Variants in COL12A1 observed in about 807,000 individuals in gnomAD.
The protein encoded by COL12A1 is collagen alpha-1(XII) chain.
In COL12A1, 114 loss-of-function variants were observed where a neutral mutation model predicts 349.7. The ratio of observed to expected loss-of-function variants is 0.33; its 90% CI spans 0.28 to 0.38. The LOEUF is 0.38. Among genes scored for constraint, COL12A1 ranks in the 10% least tolerant of loss-of-function variants. The pLI, the probability that COL12A1 is intolerant of heterozygous loss-of-function variation, is 1.00. For synonymous variants in COL12A1, 1,369 were observed against 1,329.0 expected (o/e 1.03, Z -0.66); for missense variants, 3,284 against 3,756.9 (o/e 0.87, Z 3.29).
rs201158030 is a variant in COL12A1, at chr6:75,113,625, G to C, written c.7817C>G (p.Pro2606Arg). 3 of 1,609,244 alleles carry C rather than the reference G, an allele frequency of 1.9e-6. No individual in the cohort carries two copies. The highest frequency in any genetic ancestry group is 2.5e-6 in the Non-Finnish European group (3 of 1,176,962). The change falls in exon 50 of 66, where the codon CCA becomes CGA. Residue 2606 changes from proline (P) to arginine (R), a missense_variant. Physicochemically the swap from Pro to Arg is moderately radical, Grantham distance 103 (BLOSUM62 -2). Transcript: ENST00000322507. ...ACGATCTGCAATCACTCCAACTTGT[G>C]GTTTGTAGTCTCTGTCTGTGATTTG... The part of the protein sequence containing the change: ...IWQITDRDYK[P>R]QVGVIADPSS...
In COL12A1 at chr6:75,087,684, G is replaced by T. The variant is rs1269857085; in HGVS notation, c.9074C>A (p.Pro3025His). ...GSTGSRGPPG[P>H]PGRPGNSGIR... is the part of the protein sequence containing the mutation. ...ACCTGAGTTTCCAGGACGGCCAGGG[G>T]GGCCAGGGGGACCTCTTGAACCTGT... Residue 3025 changes from proline (P) to histidine (H), a missense_variant, in exon 65 of 66, where the codon CCC (proline) becomes CAC (histidine). Physicochemically the swap from Pro to His is moderately conservative, Grantham distance 77. This residue lies in a region of COL12A1 where 683 missense variants were observed against 932.1 expected (regional missense o/e 0.73). Coordinates refer to ENST00000322507, the MANE Select transcript of COL12A1 (RefSeq NM_004370.6). 2 of 1,610,154 alleles carry T rather than the reference G, an allele frequency of 1.2e-6. No homozygotes were observed. The highest frequency in any genetic ancestry group is 1.7e-6 in the Non-Finnish European group (2 of 1,178,774).
chr6:75,192,458 T>C, intron 3 of COL12A1, 103 bp from the exon 4 acceptor site: 3 of 1,062,434 alleles, frequency 2.8e-6, no homozygotes, highest in Middle Eastern at 3.0e-4. Flanking sequence ...AAAAATTCAG[T>C]ATATACATTT....
chr6:75,159,242 T>C (rs1044721096), intron 14 of COL12A1, among the ~76,000 whole-genome samples: 3 of 151,246 alleles, frequency 2.0e-5, no homozygotes, highest in Non-Finnish European at 4.4e-5. Flanking sequence ...AAAAATATAA[T>C]TTCAATCAAA....
At chr6:75,201,989 A>G (rs765586430) in intron 2 of COL12A1, among the ~76,000 whole-genome samples, 2 of 152,054 alleles carry the variant, frequency 1.3e-5, no homozygotes, top group Non-Finnish European at 2.9e-5. Context: ...GTGCCCAGCA[A>G]CTCCGGCGCG....
In COL12A1 at chr6:75,187,257, T is replaced by C. The variant is rs528022028; in HGVS notation, c.997+1105A>G. On this transcript the variant is annotated intron_variant, in intron 8 of 65. Transcript: ENST00000322507. ...TGGAAATCTGGCCAAACCTGAGGGATACAGAGGCAGTACAGGCTAGTCCAG... is the reference window on the plus strand; with the variant it reads ...TGGAAATCTGGCCAAACCTGAGGGACACAGAGGCAGTACAGGCTAGTCCAG... Among the ~76,000 whole-genome samples, 5 of 150,450 alleles carry C rather than the reference T, an allele frequency of 3.3e-5. No homozygotes were observed. The South Asian group carries it at 1.1e-3, about 32-fold the overall frequency.
chr6:75,093,073 G>T lies in COL12A1; in HGVS notation c.8650-1548C>A, dbSNP rs935068121. Among the ~76,000 whole-genome samples the T allele has an allele frequency of 7.2e-5, 11 of 152,248 alleles. No individual in the cohort carries two copies. The East Asian group carries it at 1.5e-3, about 21-fold the overall frequency. On this transcript the variant is annotated intron_variant, in intron 60 of 65. Transcript: ENST00000322507. ...TTGTCAGAGAGGTTCCTAGATGACT[G>T]TATCCAAAATAGCTGCCTTCCCACC...
At chr6:75,197,612 C>T (rs1053807955) in intron 2 of COL12A1, among the ~76,000 whole-genome samples, 6 of 151,870 alleles carry the variant, frequency 4.0e-5, no homozygotes, top group Admixed American at 1.3e-4. Context: ...GTGCCCAGCC[C>T]GGAAATTTTC....
At chr6:75,185,323 C>G (rs1351195616) in intron 8 of COL12A1, among the ~76,000 whole-genome samples, 2 of 152,120 alleles carry the variant, frequency 1.3e-5, no homozygotes, top group Non-Finnish European at 2.9e-5. Flanking sequence ...CTATACACAA[C>G]AACAGTCAAG....
Position 75,151,412 on chromosome 6 carries a change from A to G in COL12A1, c.4001-125T>C, listed in dbSNP as rs1465129573. 5.5e-6 allele frequency: 4 copies of G among 730,460 alleles called. No homozygotes were observed. The East Asian group carries it at 1.1e-4, about 20-fold the overall frequency. The allele number at this position is 730,460 out of a possible 1,614,324, so 45.2% of individuals were successfully genotyped here. On this transcript the variant is annotated intron_variant, in intron 20 of 65. Coordinates refer to ENST00000322507, the MANE Select transcript of COL12A1 (RefSeq NM_004370.6). ...GGCCAACTATGAAGGTTTAATAATTAGTTAACTAAAACATACATATTATTT... is the reference window on the plus strand; with the variant it reads ...GGCCAACTATGAAGGTTTAATAATTGGTTAACTAAAACATACATATTATTT...
At chr6:75,202,246 G>C (rs1165623074) in intron 2 of COL12A1, among the ~76,000 whole-genome samples, 2 of 152,242 alleles carry the variant, frequency 1.3e-5, no homozygotes, top group African/African-American at 2.4e-5. Flanking sequence ...GAGGCGCAGA[G>C]CCAGCGCTGT....
chr6:75,168,278 C>T (rs1562264376), intron 13 of COL12A1, among the ~76,000 whole-genome samples: 1 of 152,158 alleles, frequency 6.6e-6, no homozygotes, highest in Non-Finnish European at 1.5e-5. Context: ...TACATTACAA[C>T]CAGGAATTTT....
intron 27 of COL12A1, among the ~76,000 whole-genome samples, chr6:75,141,559 T>A (rs1766893070): frequency 6.6e-6 from 1 of 152,170 alleles, no homozygotes; most frequent in Admixed American, 6.5e-5. Context: ...CCTTACATGA[T>A]CCCATGTATT....
Position 75,085,577 on chromosome 6 carries a change from A to C in COL12A1, c.*970T>G. ...TTCTTAAAAAAAAAAACCTTCAAAA[A>C]TCCAGCAGTAAACACAATCATTGCA... On this transcript the variant is annotated 3_prime_UTR_variant, in exon 66 of 66. Coordinates refer to ENST00000322507, the MANE Select transcript of COL12A1 (RefSeq NM_004370.6). 3.1e-6 allele frequency: 1 copy of C among 323,688 alleles called. No homozygotes were observed. Among genetic ancestry groups the C allele is most frequent in the Non-Finnish European group, 6.2e-6 (1 of 160,464 alleles). 20.1% of individuals were successfully genotyped at this position (323,688 alleles called of 1,614,324 possible).
Position 75,123,386 on chromosome 6 carries a change from G to A in COL12A1, c.6890C>T (p.Ala2297Val). Residue 2297 changes from alanine to valine, a missense_variant, in exon 43 of 66, where the codon GCC becomes GTC. Around this residue, in one of 2 missense-constraint regions of COL12A1, gnomAD observed 2,601 missense variants for 2,824.8 expected, o/e 0.92. Coordinates refer to ENST00000322507, the MANE Select transcript of COL12A1 (RefSeq NM_004370.6). ...KEHTTVKPTEAPTEPPTPPPP... is the reference protein window; with the variant it reads ...KEHTTVKPTEVPTEPPTPPPP... ...AGGAGGTGTGGGTGGCTCTGTAGGG[G>A]CTTCTGTTGGTTTCACAGCTAAAAT... The A allele has an allele frequency of 6.3e-7, 1 of 1,591,324 alleles. No individual in the cohort carries two copies. Among genetic ancestry groups the A allele is most frequent in the Non-Finnish European group, 8.6e-7 (1 of 1,168,794 alleles).
chr6:75,191,675 G>A (rs1424155321), intron 5 of COL12A1, 26 bp downstream of exon 5: 2 of 1,563,930 alleles, frequency 1.3e-6, no homozygotes, highest in African/African-American at 1.4e-5. Flanking sequence ...ATGAATCTAA[G>A]CAAAAATAGT....
At chr6:75,096,753 G>A (rs1006640690) in intron 59 of COL12A1, among the ~76,000 whole-genome samples, 1 of 151,904 alleles carries the variant, frequency 6.6e-6, no homozygotes, top group African/African-American at 2.4e-5. Context: ...AAAATTAGCC[G>A]GGCGTAGTGG....
Position 75,189,641 on chromosome 6 carries a change from G to A in COL12A1, c.569C>T (p.Thr190Ile). 1 of 1,613,208 alleles carries A rather than the reference G, an allele frequency of 6.2e-7. No individual in the cohort carries two copies. Among genetic ancestry groups the A allele is most frequent in the Non-Finnish European group, 8.5e-7 (1 of 1,179,450 alleles). ...GTAGTACTGATTTAAGTTAAATTCAGTCCTGGTATCAGAGCTGTATTGAAC... is the reference window on the plus strand; with the variant it reads ...GTAGTACTGATTTAAGTTAAATTCAATCCTGGTATCAGAGCTGTATTGAAC... ...GVVQYSSDTR[T>I]EFNLNQYYQR... The change falls in exon 6 of 66, where the codon ACT (threonine) becomes ATT (isoleucine). Residue 190 changes from threonine to isoleucine, a missense_variant. This residue lies in a region of COL12A1 where 2,601 missense variants were observed against 2,824.8 expected (regional missense o/e 0.92). Coordinates refer to ENST00000322507, the MANE Select transcript of COL12A1 (RefSeq NM_004370.6).
intron 8 of COL12A1, among the ~76,000 whole-genome samples, chr6:75,184,755 G>A (rs1384653794): frequency 3.9e-5 from 6 of 152,072 alleles, no homozygotes; most frequent in African/African-American, 1.2e-4. Context: ...GCATATTAAC[G>A]CATGCATATC....
chr6:75,089,659 T>G (rs1767663990), intron 63 of COL12A1, among the ~76,000 whole-genome samples: 1 of 152,188 alleles, frequency 6.6e-6, no homozygotes, highest in African/African-American at 2.4e-5. Flanking sequence ...CTCCTTTTCC[T>G]TCAACTGCAG....
Sources: gnomAD v4.1 joint callset for allele counts (sites outside exome capture counted in the v4.1 genomes callset) on GRCh38, gnomAD v4.1.1 for gene constraint, gnomAD v4.1.1 regional missense constraint, MANE v1.5 for transcripts, NCBI Gene and HGNC (gene_info 2026-07-23, HGNC 2026-07-21) for gene names.